Variants in TECPR2 observed in about 807,000 individuals in gnomAD.
TECPR2 encodes the protein tectonin beta-propeller repeat containing 2.
A neutral mutation model predicts 138.1 loss-of-function variants in TECPR2; 65 were observed. The ratio of observed to expected loss-of-function variants is 0.47; its 90% CI spans 0.39 to 0.58. The LOEUF is 0.58. TECPR2 is among the 20% of genes least tolerant of loss of function. The probability of loss-of-function intolerance (pLI) is 0.00; values close to 1 mark genes in which losing one functional copy is unlikely to be tolerated. For synonymous variants in TECPR2, 746 were observed against 749.8 expected (o/e 0.99, Z 0.08); for missense variants, 1,553 against 1,824.5 (o/e 0.85, Z 2.71).
At chr14:102,449,482 C>T (rs574924182) in intron 13 of TECPR2, 147 bp from the exon 14 acceptor site, 52 of 1,306,774 alleles carry the variant, frequency 4.0e-5, no homozygotes, top group Middle Eastern at 2.8e-4. Flanking sequence ...CTTTCACAAG[C>T]GCACACGTGC....
intron 17 of TECPR2, among the ~76,000 whole-genome samples, chr14:102,491,905 T>A (rs1891168446): frequency 6.6e-6 from 1 of 152,234 alleles, no homozygotes; most frequent in Non-Finnish European, 1.5e-5. Flanking sequence ...CCAGCATGTG[T>A]GGGTGCTCAT....
chr14:102,395,767 C>T lies in TECPR2; in HGVS notation c.220-11571C>T, dbSNP rs181226016. ...GAGCCGAGATCACACCGTGGCACTC[C>T]GGCCTGGGCGACAGAGCGAGACTCT... On this transcript the variant is annotated intron_variant, in intron 2 of 19. Coordinates refer to ENST00000359520, the MANE Select transcript of TECPR2 (RefSeq NM_014844.5). 3.0e-4 allele frequency among the ~76,000 whole-genome samples: 46 copies of T among 152,266 alleles called. 1 individual carries two copies. The highest frequency in any genetic ancestry group is 1.6e-3 in the Admixed American group (24 of 15,284).
chr14:102,383,148 G>A (rs1256634613), intron 2 of TECPR2, among the ~76,000 whole-genome samples: 7 of 152,202 alleles, frequency 4.6e-5, no homozygotes, highest in African/African-American at 9.6e-5. Context: ...CAGCACCCCA[G>A]AAGATTCTCT....
In TECPR2 at chr14:102,499,306, T is replaced by A; in HGVS notation, c.*1049T>A. On this transcript the variant is annotated 3_prime_UTR_variant, in exon 20 of 20. Transcript: ENST00000359520. Reference sequence around the variant, plus strand: ...CAGATGCATCCTCAGAGGACGAGTCTACTAATTATTGCCTTTGTTGTTGTA... The same window carrying A: ...CAGATGCATCCTCAGAGGACGAGTCAACTAATTATTGCCTTTGTTGTTGTA... 1.6e-6 allele frequency: 1 copy of A among 616,714 alleles called. No homozygotes were observed. The highest frequency in any genetic ancestry group is 2.9e-6 in the Non-Finnish European group (1 of 340,056). The allele number at this position is 616,714 out of a possible 1,614,324, so 38.2% of individuals were successfully genotyped here. A position where few individuals can be genotyped will look rare whatever the true frequency, so the allele number is the denominator to read the frequency against.
intron 5 of TECPR2, among the ~76,000 whole-genome samples, chr14:102,424,208 T>G (rs1478400488): frequency 6.6e-6 from 1 of 152,188 alleles, no homozygotes; most frequent in African/African-American, 2.4e-5. Flanking sequence ...CTGAATACTT[T>G]AGGCAGCTGT....
At chr14:102,394,486 C>T (rs1263873398) in intron 2 of TECPR2, among the ~76,000 whole-genome samples, 1 of 152,076 alleles carries the variant, frequency 6.6e-6, no homozygotes, top group Non-Finnish European at 1.5e-5. Context: ...CTTGTATTCC[C>T]AGCTACTTGT....
At chr14:102,386,039 C>T (rs1448812614) in intron 2 of TECPR2, among the ~76,000 whole-genome samples, 1 of 151,938 alleles carries the variant, frequency 6.6e-6, no homozygotes, top group Non-Finnish European at 1.5e-5. Flanking sequence ...AAAATATTAA[C>T]ATTTGGAAAA....
chr14:102,411,238 AT>A (rs1302058794), intron 4 of TECPR2, among the ~76,000 whole-genome samples: 3 of 152,262 alleles, frequency 2.0e-5, no homozygotes, highest in Admixed American at 2.0e-4. Flanking sequence ...CCGCCCCAAC[AT>A]TTCAACACCA....
intron 4 of TECPR2, among the ~76,000 whole-genome samples, chr14:102,412,400 T>G (rs1888904528): frequency 6.6e-6 from 1 of 152,204 alleles, no homozygotes; most frequent in African/African-American, 2.4e-5. Context: ...TCCAAAGTTC[T>G]TGGATTACAG....
chr14:102,461,438 T>C (rs1890407863), intron 16 of TECPR2, among the ~76,000 whole-genome samples: 1 of 152,220 alleles, frequency 6.6e-6, no homozygotes, highest in Non-Finnish European at 1.5e-5. Context: ...CCACTTTTTG[T>C]TTTAAAATGA....
At chr14:102,374,806 C>G (rs954194073) in intron 1 of TECPR2, among the ~76,000 whole-genome samples, 1 of 152,128 alleles carries the variant, frequency 6.6e-6, no homozygotes, top group Non-Finnish European at 1.5e-5. Context: ...ACTAGGATTA[C>G]AGGCATAAGC....
chr14:102,451,150 G>A lies in TECPR2; in HGVS notation c.3406+501G>A, dbSNP rs184881313. Among the ~76,000 whole-genome samples the A allele has an allele frequency of 8.3e-3, 1,265 of 152,300 alleles. 8 individuals carry two copies. The highest frequency in any genetic ancestry group is 0.013 in the Non-Finnish European group (903 of 68,028). On this transcript the variant is annotated intron_variant, in intron 15 of 19. Coordinates refer to ENST00000359520, the MANE Select transcript of TECPR2 (RefSeq NM_014844.5). ...TCTGGGCAGAACTCAGTGTCCCTGCGGAGTACAGGGTTTGTGAGGGAGCCA... is the reference window on the plus strand; with the variant it reads ...TCTGGGCAGAACTCAGTGTCCCTGCAGAGTACAGGGTTTGTGAGGGAGCCA...
At chr14:102,476,549 A>G (rs1038503014) in intron 17 of TECPR2, among the ~76,000 whole-genome samples, 3 of 152,196 alleles carry the variant, frequency 2.0e-5, no homozygotes, top group Non-Finnish European at 4.4e-5. Context: ...ACTGAAGCCC[A>G]GAGGGAAAAC....
chr14:102,493,730 G>T (rs913832795), intron 17 of TECPR2, among the ~76,000 whole-genome samples: 1 of 152,104 alleles, frequency 6.6e-6, no homozygotes, highest in Admixed American at 6.5e-5. Flanking sequence ...TGGCCGCCCC[G>T]CCCCAGCCTC....
chr14:102,480,853 T>TG (rs943219100), intron 17 of TECPR2, among the ~76,000 whole-genome samples: 6 of 133,024 alleles, frequency 4.5e-5, no homozygotes, highest in South Asian at 5.3e-4. Context: ...TTTTTTTTTT[T>TG]TTTTTTTTTT....
intron 17 of TECPR2, among the ~76,000 whole-genome samples, chr14:102,476,224 A>C (rs1266620885): frequency 6.6e-6 from 1 of 151,084 alleles, no homozygotes; most frequent in East Asian, 1.9e-4. Flanking sequence ...AAAAAAAAAA[A>C]AAAAAAACAA....
intron 12 of TECPR2, among the ~76,000 whole-genome samples, chr14:102,444,539 T>TA (rs1339918784): frequency 6.6e-6 from 1 of 152,154 alleles, no homozygotes; most frequent in Non-Finnish European, 1.5e-5. Context: ...TTTTTTTTTT[T>TA]ACCATTCAAG....
At chr14:102,466,386 A>C (rs766355816) in intron 17 of TECPR2, among the ~76,000 whole-genome samples, 1 of 152,200 alleles carries the variant, frequency 6.6e-6, no homozygotes, top group Non-Finnish European at 1.5e-5. Flanking sequence ...GAGGTTGTAC[A>C]TAATGAATTA....
intron 16 of TECPR2, among the ~76,000 whole-genome samples, chr14:102,458,915 A>C (rs1310513791): frequency 1.3e-5 from 2 of 150,478 alleles, no homozygotes; most frequent in African/African-American, 4.9e-5. Flanking sequence ...GCTGAGCCTA[A>C]TCTAGGCAAC....
Sources: allele counts gnomAD v4.1 joint callset (sites outside exome capture counted in the v4.1 genomes callset), GRCh38; gene constraint gnomAD v4.1.1; transcripts MANE v1.5; gene names NCBI Gene and HGNC (gene_info 2026-07-23, HGNC 2026-07-21).